The following FLRT1 variants were observed in gnomAD, a reference collection of about 807,000 sequenced individuals.
FLRT1 encodes leucine-rich repeat transmembrane protein FLRT1.
FLRT1 carries 14 observed loss-of-function variants against 30.9 expected under a neutral mutation model. That is an observed-to-expected ratio of 0.45 (90% confidence interval 0.30 to 0.71). The LOEUF is 0.71. FLRT1 is among the 30% of genes least tolerant of loss of function. The pLI, the probability that FLRT1 is intolerant of heterozygous loss-of-function variation, is 0.08. For synonymous variants in FLRT1, 368 were observed against 430.4 expected, an observed-to-expected ratio of 0.85 and a Z score of 1.80; for missense variants, 737 against 949.2, an observed-to-expected ratio of 0.78 and a Z score of 2.94.
At chr11:64,050,879 A>G (rs563443101) in intron 1 of FLRT1, among the ~76,000 whole-genome samples, 22 of 152,272 alleles carry the variant, frequency 1.4e-4, no homozygotes, top group Non-Finnish European at 3.1e-4. Flanking sequence ...TTGGCTTTCC[A>G]AAGTGCTGGG....
intron 1 of FLRT1, among the ~76,000 whole-genome samples, chr11:64,085,088 A>G (rs1944370741): frequency 1.3e-5 from 2 of 152,206 alleles, no homozygotes; most frequent in Non-Finnish European, 2.9e-5. Flanking sequence ...ATCCCCCAAC[A>G]TATCAGTAGG....
chr11:64,052,632 G>A (rs1288797361), intron 1 of FLRT1, among the ~76,000 whole-genome samples: 1 of 152,206 alleles, frequency 6.6e-6, no homozygotes, highest in African/African-American at 2.4e-5. Flanking sequence ...AGTCCAGGGA[G>A]GGCCCACCTG....
chr11:64,113,871 CATGGATGGATGG>C (rs202172057), intron 2 of FLRT1, among the ~76,000 whole-genome samples: 19 of 77,906 alleles, frequency 2.4e-4, no homozygotes, highest in African/African-American at 7.3e-4. Flanking sequence ...TGGATTGATA[CATGGATGGATGG>C]ATGGATGGAT....
intron 1 of FLRT1, among the ~76,000 whole-genome samples, chr11:64,047,897 CAAA>C (rs35010371): frequency 1.6e-4 from 14 of 89,144 alleles, no homozygotes; most frequent in Non-Finnish European, 2.1e-4. Context: ...AACTCCGTCT[CAAA>C]AAAAAAAAAA....
intron 1 of FLRT1, among the ~76,000 whole-genome samples, chr11:64,101,467 G>T: frequency 6.6e-6 from 1 of 152,138 alleles, no homozygotes; most frequent in Non-Finnish European, 1.5e-5. Flanking sequence ...CAGCTGACTG[G>T]AGCCTCTGGG....
At chr11:64,115,761 C>T (rs1466957028) in intron 2 of FLRT1, among the ~76,000 whole-genome samples, 1 of 152,166 alleles carries the variant, frequency 6.6e-6, no homozygotes, top group African/African-American at 2.4e-5. Context: ...TCGTGCAGTG[C>T]CAGGGAAACA....
rs189216714 is a variant in FLRT1, at chr11:64,046,587, C to T, written c.-1038+10428C>T. Among the ~76,000 whole-genome samples, 736 of 152,192 alleles carry T rather than the reference C, an allele frequency of 4.8e-3. 4 individuals are homozygous for T. The highest frequency in any genetic ancestry group is 8.9e-3 in the Admixed American group (136 of 15,292). On this transcript the variant is annotated intron_variant, in intron 1 of 2. Coordinates refer to ENST00000682287, the MANE Select transcript of FLRT1 (RefSeq NM_013280.5). ...TCTTTTTGAGACGGAGTTTTGTTCTCGTCGCTCAGGCTAGAGGACAAGATC... is the reference window on the plus strand; with the variant it reads ...TCTTTTTGAGACGGAGTTTTGTTCTTGTCGCTCAGGCTAGAGGACAAGATC...
chr11:64,107,044 C>T (rs1361950467), intron 2 of FLRT1, among the ~76,000 whole-genome samples: 1 of 152,184 alleles, frequency 6.6e-6, no homozygotes, highest in Admixed American at 6.5e-5. Flanking sequence ...CCACCATGCC[C>T]AGCTAATTTT....
At chr11:64,070,100 G>A (rs1272444144) in intron 1 of FLRT1, among the ~76,000 whole-genome samples, 2 of 152,184 alleles carry the variant, frequency 1.3e-5, no homozygotes, top group Non-Finnish European at 2.9e-5. Context: ...AGAGATGGAT[G>A]CTGTTATCAC....
chr11:64,051,960 T>C (rs1943703817), intron 1 of FLRT1, among the ~76,000 whole-genome samples: 1 of 151,342 alleles, frequency 6.6e-6, no homozygotes, highest in African/African-American at 2.4e-5. Flanking sequence ...GACAGTGTTA[T>C]GTGTTTGTGC....
In FLRT1 at chr11:64,045,562, G is replaced by A. The variant is rs192356965; in HGVS notation, c.-1038+9403G>A. Among the ~76,000 whole-genome samples, 11 of 152,288 alleles carry A rather than the reference G, an allele frequency of 7.2e-5. No individual in the cohort carries two copies. The East Asian group carries it at 2.1e-3, about 29-fold the overall frequency. ...GTCACTTATGGGACCCAATTTGGTA[G>A]GTAGGGGGTGAGGGTCTGCCGAGGG... On this transcript the variant is annotated intron_variant, in intron 1 of 2. Transcript: ENST00000682287.
At position 64,118,589 on chromosome 11, in the gene FLRT1, GTTGGGT is replaced by G. The variant is rs1362197536; in HGVS notation, c.*300_*305del. The G allele has an allele frequency of 6.5e-6, 2 of 306,320 alleles. No homozygotes were observed. The highest frequency in any genetic ancestry group is 1.3e-5 in the Non-Finnish European group (2 of 157,814). The allele number at this position is 306,320 out of a possible 1,614,324, so 19.0% of individuals were successfully genotyped here. The stretch of plus-strand genomic sequence containing the variant: ...AAAATAATATTGCAGGCAGGGCTGG[GTTGGGT>G]TTTTTTTTTTTCCCCCCTGAACTGG... On this transcript the variant is annotated 3_prime_UTR_variant, in exon 3 of 3. Coordinates refer to ENST00000682287, the MANE Select transcript of FLRT1 (RefSeq NM_013280.5).
At chr11:64,044,951 C>T (rs1943556628) in intron 1 of FLRT1, among the ~76,000 whole-genome samples, 1 of 152,178 alleles carries the variant, frequency 6.6e-6, no homozygotes, top group Admixed American at 6.5e-5. Context: ...ACACATGTGT[C>T]AGGGAGGAAT....
intron 1 of FLRT1, among the ~76,000 whole-genome samples, chr11:64,045,374 CG>C (rs35036862): frequency 0.14 from 20,979 of 152,222 alleles, 1,808 homozygotes; most frequent in Non-Finnish European, 0.19. Flanking sequence ...TCTGCTCCGC[CG>C]GGACCTGGGC....
intron 1 of FLRT1, among the ~76,000 whole-genome samples, chr11:64,093,591 C>T (rs531100514): frequency 2.7e-4 from 41 of 152,372 alleles, no homozygotes; most frequent in African/African-American, 9.6e-4. Flanking sequence ...CCAGTCCTTC[C>T]AGTTCTTGGG....
At chr11:64,059,603 A>G (rs1290852306) in intron 1 of FLRT1, among the ~76,000 whole-genome samples, 1 of 151,986 alleles carries the variant, frequency 6.6e-6, no homozygotes, top group Non-Finnish European at 1.5e-5. Context: ...GTGCCTCCGC[A>G]GGGGTCTCGG....
intron 1 of FLRT1, among the ~76,000 whole-genome samples, chr11:64,045,825 AC>A (rs913056569): frequency 6.6e-6 from 1 of 152,168 alleles, no homozygotes; most frequent in Non-Finnish European, 1.5e-5. Context: ...GCTGGCTCAA[AC>A]CTGTAATCCC....
chr11:64,090,330 C>T lies in FLRT1; in HGVS notation c.-1037-12864C>T, dbSNP rs965545123. Among the ~76,000 whole-genome samples the T allele has an allele frequency of 7.2e-5, 11 of 152,224 alleles. No individual in the cohort carries two copies. The highest frequency in any genetic ancestry group is 3.3e-4 in the Admixed American group (5 of 15,286). On this transcript the variant is annotated intron_variant, in intron 1 of 2. Transcript: ENST00000682287. This position sits in a 1 kb window ranked among gnomAD's most constrained non-coding sequence, Gnocchi z 4.7. The stretch of plus-strand genomic sequence containing the variant: ...AATAGTCAGCAGTTATTTATCGTCT[C>T]GTTTCTTAGTGGGTAGGAAAGCCAC...
intron 1 of FLRT1, among the ~76,000 whole-genome samples, chr11:64,043,569 G>C (rs1227681457): frequency 1.3e-5 from 2 of 152,216 alleles, no homozygotes; most frequent in Non-Finnish European, 1.5e-5. Context: ...GGAAGGGCAA[G>C]AGGTCAAATC....
Sources: gnomAD v4.1 joint callset for allele counts (sites outside exome capture counted in the v4.1 genomes callset) on GRCh38, gnomAD v4.1.1 for gene constraint, Gnocchi (gnomAD v3.1) non-coding constraint, MANE v1.5 for transcripts, NCBI Gene and HGNC (gene_info 2026-07-23, HGNC 2026-07-21) for gene names.